Variants in TMEM182 observed in about 807,000 individuals in gnomAD.
The protein encoded by TMEM182 is transmembrane protein 182.
A neutral mutation model predicts 26.8 loss-of-function variants in TMEM182; 20 were observed. The ratio of observed to expected loss-of-function variants is 0.75; its 90% CI spans 0.53 to 1.09. The LOEUF (loss-of-function observed/expected upper bound fraction) is 1.09, where lower values mean the gene tolerates loss of function less well. Among genes scored for constraint, TMEM182 ranks in the 50% least tolerant of loss-of-function variants. The pLI is 0.00. For missense variants in TMEM182, 277 were observed against 275.5 expected (o/e 1.01, Z -0.04); for synonymous variants, 109 against 102.2 (o/e 1.07, Z -0.40).
chr2:102,779,112 A>G (rs1553439543), intron 3 of TMEM182, among the ~76,000 whole-genome samples: 1 of 151,280 alleles, frequency 6.6e-6, no homozygotes, highest in Non-Finnish European at 1.5e-5. Context: ...GGGGTTAACA[A>G]TTTTTTTTTC....
At chr2:102,837,346 A>G (rs1430235071) in intron 3 of TMEM182, among the ~76,000 whole-genome samples, 1 of 152,238 alleles carries the variant, frequency 6.6e-6, no homozygotes, top group African/African-American at 2.4e-5. Context: ...AACTTAAACT[A>G]GAGAGAAGAA....
In TMEM182 at chr2:102,789,069, C is replaced by T. The variant is rs543618327; in HGVS notation, c.332-8794C>T. ...CAGAAGCACATTGCCTAAAGCGAGGCAACATATGCTGGCGGCCCTCATTTG... is the reference window on the plus strand; with the variant it reads ...CAGAAGCACATTGCCTAAAGCGAGGTAACATATGCTGGCGGCCCTCATTTG... On this transcript the variant is annotated intron_variant, in intron 3 of 4. Transcript: ENST00000412401. Among the ~76,000 whole-genome samples, 8 of 152,258 alleles carry T rather than the reference C, an allele frequency of 5.3e-5. No homozygotes were observed. In the East Asian group the frequency reaches 1.2e-3, roughly 22 times the overall value.
At chr2:102,833,748 C>A (rs1026829265) in intron 3 of TMEM182, among the ~76,000 whole-genome samples, 2 of 152,170 alleles carry the variant, frequency 1.3e-5, no homozygotes, top group Non-Finnish European at 2.9e-5. Context: ...CTTTCATGGC[C>A]TTGAAACATT....
chr2:102,748,692 T>C (rs542634902), intron 1 of TMEM182, among the ~76,000 whole-genome samples: 1 of 152,356 alleles, frequency 6.6e-6, no homozygotes, highest in South Asian at 2.1e-4. Flanking sequence ...TGTTGTGACC[T>C]CCTAAGTTAA....
chr2:102,773,031 T>C (rs1680746045), intron 3 of TMEM182, among the ~76,000 whole-genome samples: 2 of 152,148 alleles, frequency 1.3e-5, no homozygotes. Flanking sequence ...TGTTCATTAT[T>C]GTCATTATCA....
chr2:102,773,357 G>T (rs1680764099), intron 3 of TMEM182, among the ~76,000 whole-genome samples: 1 of 151,922 alleles, frequency 6.6e-6, no homozygotes, highest in South Asian at 2.1e-4. Context: ...GGACTAAGGG[G>T]GTGGATATAA....
chr2:102,809,775 C>A (rs1237502645), intron 4 of TMEM182, among the ~76,000 whole-genome samples: 1 of 152,170 alleles, frequency 6.6e-6, no homozygotes, highest in Non-Finnish European at 1.5e-5. Context: ...TGTAGATGCC[C>A]TGCTAAATAT....
At chr2:102,795,771 C>A (rs553746993) in intron 3 of TMEM182, among the ~76,000 whole-genome samples, 21 of 152,262 alleles carry the variant, frequency 1.4e-4, no homozygotes, top group Middle Eastern at 3.4e-3. Context: ...CACCCTCTGG[C>A]TCCTCGGACT....
At chr2:102,744,272 AT>A (rs1298558014) in intron 1 of TMEM182, among the ~76,000 whole-genome samples, 1 of 152,162 alleles carries the variant, frequency 6.6e-6, no homozygotes, top group African/African-American at 2.4e-5. Context: ...ACACTCAAAT[AT>A]CTGGATATTA....
chr2:102,775,381 A>G (rs967429099), intron 3 of TMEM182: 1 of 152,238 alleles, frequency 6.6e-6, no homozygotes, highest in Non-Finnish European at 1.5e-5. Context: ...TATTGACGGG[A>G]TGTATCTCAA....
intron 4 of TMEM182, 87 bp from the exon 5 acceptor site, chr2:102,814,661 T>C: frequency 8.4e-7 from 1 of 1,195,852 alleles, no homozygotes; most frequent in South Asian, 1.5e-5. Flanking sequence ...TGCAGGAGCT[T>C]GTCATCCGGT....
rs1683328869 is a variant in TMEM182 at position 102,840,520 on chromosome 2, T to A, written c.326-2892T>A. On this transcript the variant is annotated intron_variant, in intron 3 of 3. Coordinates refer to the TMEM182 transcript ENST00000486293. ...TAAACACCGGCGTTAGTGGGTCAGG[T>A]AAGTGATCCTGAGGCATAGGGGGTG... Among the ~76,000 whole-genome samples, 5 of 152,084 alleles carry A rather than the reference T, an allele frequency of 3.3e-5. No individual in the cohort carries two copies. In the South Asian group the frequency reaches 8.3e-4, roughly 25 times the overall value.
At chr2:102,801,782 A>G (rs1280765894) in intron 4 of TMEM182, among the ~76,000 whole-genome samples, 1 of 152,200 alleles carries the variant, frequency 6.6e-6, no homozygotes, top group Non-Finnish European at 1.5e-5. Flanking sequence ...AGCTTCTTAG[A>G]TAGTGTTTAC....
chr2:102,807,870 G>A lies in TMEM182; in HGVS notation c.470-6878G>A, dbSNP rs1682405619. ...TGAAAACAAGTTTGCAAATATTGTA[G>A]CATTTTTAGTGTTTATATTTAATAT... On this transcript the variant is annotated intron_variant, in intron 4 of 4. Transcript: ENST00000412401. Among the ~76,000 whole-genome samples, 5 of 152,242 alleles carry A rather than the reference G, an allele frequency of 3.3e-5. 1 individual carries two copies. The South Asian group carries it at 1.0e-3, about 32-fold the overall frequency.
At chr2:102,752,670 G>C (rs1573490605) in intron 1 of TMEM182, among the ~76,000 whole-genome samples, 1 of 152,164 alleles carries the variant, frequency 6.6e-6, no homozygotes, top group East Asian at 1.9e-4. Context: ...TTTCCTTTGG[G>C]CCATATGACC....
In TMEM182 at chr2:102,815,879, C is replaced by G; in HGVS notation, c.*911C>G. The G allele has an allele frequency of 1.2e-5, 11 of 923,582 alleles. No homozygotes were observed. Among genetic ancestry groups the G allele is most frequent in the Non-Finnish European group, 1.3e-5 (10 of 774,096 alleles). 57.2% of individuals were successfully genotyped at this position (923,582 alleles called of 1,614,324 possible). A position where few individuals can be genotyped will look rare whatever the true frequency, so the allele number is the denominator to read the frequency against. On this transcript the variant is annotated 3_prime_UTR_variant, in exon 5 of 5. Coordinates refer to ENST00000412401, the MANE Select transcript of TMEM182 (RefSeq NM_144632.5). Reference sequence around the variant, plus strand: ...ATATTTTTTAGATATAAACTTTCAACGTACTTCCATATGAGGATTATAATA... The same window carrying G: ...ATATTTTTTAGATATAAACTTTCAAGGTACTTCCATATGAGGATTATAATA...
At chr2:102,749,168 C>T (rs890070252) in intron 1 of TMEM182, among the ~76,000 whole-genome samples, 7 of 151,970 alleles carry the variant, frequency 4.6e-5, no homozygotes, top group Non-Finnish European at 7.4e-5. Flanking sequence ...TAGAAGAACA[C>T]TTTAGCTTTA....
chr2:102,783,007 A>G (rs1681238582), intron 3 of TMEM182, among the ~76,000 whole-genome samples: 1 of 152,190 alleles, frequency 6.6e-6, no homozygotes, highest in Non-Finnish European at 1.5e-5. Flanking sequence ...AATAAACCAT[A>G]GATTTAATAT....
chr2:102,833,656 G>C (rs1005780990), intron 3 of TMEM182, among the ~76,000 whole-genome samples: 1 of 152,158 alleles, frequency 6.6e-6, no homozygotes, highest in Non-Finnish European at 1.5e-5. Flanking sequence ...TCCAGAATTA[G>C]GTCCAGGATC....
Sources: gnomAD v4.1 joint callset for allele counts (sites outside exome capture counted in the v4.1 genomes callset) on GRCh38, gnomAD v4.1.1 for gene constraint, MANE v1.5 for transcripts, NCBI Gene and HGNC (gene_info 2026-07-23, HGNC 2026-07-21) for gene names.